Variants in KCNH5 observed in about 807,000 individuals in gnomAD.
KCNH5 encodes the protein voltage-gated delayed rectifier potassium channel KCNH5.
A neutral mutation model predicts 96.1 loss-of-function variants in KCNH5; 46 were observed. The observed-to-expected ratio is 0.48, with a 90% CI of 0.38 to 0.61. The LOEUF is 0.61. Ranked by LOEUF, KCNH5 falls within the 20% of genes least tolerant of loss-of-function variation. The pLI is 0.00. For synonymous variants in KCNH5, 439 were observed against 449.8 expected (o/e 0.98, Z 0.30); for missense variants, 907 against 1,225.8 (o/e 0.74, Z 3.88).
At chr14:62,826,715 T>A (rs898503355) in intron 8 of KCNH5, among the ~76,000 whole-genome samples, 2 of 152,068 alleles carry the variant, frequency 1.3e-5, no homozygotes, top group African/African-American at 4.8e-5. Context: ...ATGATATCTG[T>A]AAGATCAAGT....
chr14:62,920,952 C>A (rs1403659027), intron 7 of KCNH5, among the ~76,000 whole-genome samples: 2 of 152,120 alleles, frequency 1.3e-5, no homozygotes, highest in East Asian at 3.9e-4. Flanking sequence ...TTCAATAAAG[C>A]TATTAAATGC....
At chr14:62,720,540 G>A (rs113494660) in intron 10 of KCNH5, among the ~76,000 whole-genome samples, 2 of 152,228 alleles carry the variant, frequency 1.3e-5, no homozygotes, top group African/African-American at 4.8e-5. Flanking sequence ...CTGAGATCGC[G>A]CCACTGCACT....
At chr14:62,801,499 AT>A (rs35409070) in intron 9 of KCNH5, among the ~76,000 whole-genome samples, 6,523 of 108,830 alleles carry the variant, frequency 0.06, 56 homozygotes, top group East Asian at 0.18. Context: ...TCATTTGGCA[AT>A]TTTTTTTTTT....
intron 10 of KCNH5, among the ~76,000 whole-genome samples, chr14:62,732,897 C>T (rs1189190304): frequency 6.6e-6 from 1 of 152,096 alleles, no homozygotes; most frequent in African/African-American, 2.4e-5. Flanking sequence ...GTCTCTCTCT[C>T]TTTCTCGTTG....
intron 10 of KCNH5, among the ~76,000 whole-genome samples, chr14:62,771,433 T>G (rs1419986775): frequency 2.0e-5 from 3 of 152,124 alleles, no homozygotes; most frequent in Admixed American, 2.0e-4. Flanking sequence ...AAGACTATCC[T>G]GGCTAACATG....
intron 7 of KCNH5, among the ~76,000 whole-genome samples, chr14:62,940,307 T>G (rs1889763359): frequency 6.6e-6 from 1 of 151,876 alleles, no homozygotes; most frequent in South Asian, 2.1e-4. Flanking sequence ...CCTAAGATAG[T>G]CACTATCTGC....
chr14:62,842,537 G>C (rs1305825234), intron 8 of KCNH5, among the ~76,000 whole-genome samples: 1 of 152,144 alleles, frequency 6.6e-6, no homozygotes, highest in Non-Finnish European at 1.5e-5. Flanking sequence ...TATATTTGTT[G>C]CATAATGCTT....
intron 7 of KCNH5, among the ~76,000 whole-genome samples, chr14:62,870,211 C>T (rs12588552): frequency 0.24 from 37,043 of 152,132 alleles, 5,085 homozygotes; most frequent in African/African-American, 0.37. Context: ...TTAGCCTCCA[C>T]TGGTTTCTTT....
At chr14:62,751,720 C>A (rs1307984150) in intron 10 of KCNH5, among the ~76,000 whole-genome samples, 2 of 152,210 alleles carry the variant, frequency 1.3e-5, no homozygotes, top group Non-Finnish European at 2.9e-5. Context: ...AAGGATAGAG[C>A]CAAGAGCTGC....
At chr14:62,942,902 T>C (rs1251667619) in intron 7 of KCNH5, among the ~76,000 whole-genome samples, 2 of 152,186 alleles carry the variant, frequency 1.3e-5, no homozygotes, top group Non-Finnish European at 1.5e-5. Flanking sequence ...CAAATTCTCA[T>C]TGACATATAC....
intron 7 of KCNH5, among the ~76,000 whole-genome samples, chr14:62,905,824 G>A (rs1889016138): frequency 6.6e-6 from 1 of 152,084 alleles, no homozygotes; most frequent in South Asian, 2.1e-4. Context: ...GGCTTTCAAC[G>A]CCATGATAAA....
rs190713580 is a variant in KCNH5, at chr14:62,814,948, T to C, written c.1570-12367A>G. On this transcript the variant is annotated intron_variant, in intron 8 of 10. Coordinates refer to ENST00000322893, the MANE Select transcript of KCNH5 (RefSeq NM_139318.5). ...TATATATGCAAGAGAAATGTCTGTA[T>C]ATATGCAGCGAATCTTGTGAACTAC... 2.1e-4 allele frequency among the ~76,000 whole-genome samples: 32 copies of C among 152,252 alleles called. No individual in the cohort carries two copies. In the East Asian group the frequency reaches 6.0e-3, roughly 28 times the overall value.
chr14:63,000,893 G>A (rs191397617), intron 4 of KCNH5, among the ~76,000 whole-genome samples: 1 of 152,268 alleles, frequency 6.6e-6, no homozygotes, highest in East Asian at 1.9e-4. Context: ...TGGGCAACAT[G>A]GCGAAACCCT....
chr14:62,714,799 T>C (rs1884648959), intron 10 of KCNH5, among the ~76,000 whole-genome samples: 1 of 152,204 alleles, frequency 6.6e-6, no homozygotes, highest in Non-Finnish European at 1.5e-5. Context: ...TTATTCTCAG[T>C]ATTAAAAACC....
intron 2 of KCNH5, among the ~76,000 whole-genome samples, chr14:63,013,816 T>C (rs959329685): frequency 1.3e-5 from 2 of 152,136 alleles, no homozygotes; most frequent in African/African-American, 4.8e-5. Context: ...ATACAACATA[T>C]GATGTAGCTA....
chr14:62,932,875 C>T (rs984364411), intron 7 of KCNH5, among the ~76,000 whole-genome samples: 4 of 152,092 alleles, frequency 2.6e-5, no homozygotes, highest in Non-Finnish European at 5.9e-5. Flanking sequence ...AAATCTCTAC[C>T]CAGACAAGCT....
At chr14:62,778,672 T>A (rs1359052120) in intron 10 of KCNH5, among the ~76,000 whole-genome samples, 1 of 152,276 alleles carries the variant, frequency 6.6e-6, no homozygotes, top group African/African-American at 2.4e-5. Context: ...TACTCTGTGC[T>A]TAAGTCTGTG....
At chr14:62,949,890 C>T (rs1169222842) in intron 7 of KCNH5, 2 of 318,124 alleles carry the variant, frequency 6.3e-6, no homozygotes, top group African/African-American at 2.2e-5. Flanking sequence ...GGTCCTGGTT[C>T]CTTCAAGAGA....
chr14:62,843,615 T>A (rs1228688878), intron 8 of KCNH5, among the ~76,000 whole-genome samples: 1 of 151,998 alleles, frequency 6.6e-6, no homozygotes, highest in East Asian at 1.9e-4. Context: ...TTTCACCATG[T>A]TGGCCAGGAT....
Sources: gnomAD v4.1 joint callset for allele counts (sites outside exome capture counted in the v4.1 genomes callset) on GRCh38, gnomAD v4.1.1 for gene constraint, MANE v1.5 for transcripts, NCBI Gene and HGNC (gene_info 2026-07-23, HGNC 2026-07-21) for gene names.